CUZD1: variants seen among roughly 807,000 people sequenced by gnomAD.
CUZD1 encodes CUB and zona pellucida like domains 1, also known as CUB and zona pellucida-like domain-containing protein 1.
CUZD1 carries 42 observed loss-of-function variants against 53.1 expected under a neutral mutation model. The ratio of observed to expected loss-of-function variants is 0.79; its 90% confidence interval spans 0.62 to 1.02. CUZD1 has a LOEUF of 1.02. Among genes scored for constraint, CUZD1 ranks in the 50% least tolerant of loss-of-function variants. The probability of loss-of-function intolerance (pLI) is 0.00; values close to 1 mark genes in which losing one functional copy is unlikely to be tolerated. For missense variants in CUZD1, 670 were observed against 715.7 expected (o/e 0.94, Z 0.73); for synonymous variants, 238 against 257.2 (o/e 0.93, Z 0.71).
intron 6 of CUZD1, 59 bp downstream of exon 6, chr10:122,836,119 G>T: frequency 6.8e-7 from 1 of 1,467,262 alleles, no homozygotes; most frequent in South Asian, 1.4e-5. Context: ...TACCCTGACT[G>T]CATTGCTCAA....
At position 122,839,037 on chromosome 10, in the gene CUZD1, T is replaced by TAGTAGAAGACA. The variant is rs1566234749; in HGVS notation, c.417_427dup (p.Tyr143LeufsTer54). The TAGTAGAAGACA allele has an allele frequency of 6.2e-7, 1 of 1,613,742 alleles. No individual in the cohort carries two copies. The highest frequency in any genetic ancestry group is 2.2e-5 in the East Asian group (1 of 44,884). On this transcript the variant is annotated frameshift_variant, in exon 3 of 9. Coordinates refer to ENST00000392790, the MANE Select transcript of CUZD1 (RefSeq NM_022034.6). LOFTEE classifies it high-confidence loss of function. ...CTTACAGATGTTAGGAGAGAAGAAG[T>TAGTAGAAGACA]AGTAGAAGACAAAGACAGTTCTTTG...
intron 7 of CUZD1, 61 bp downstream of exon 7, chr10:122,834,645 A>G (rs1317827917): frequency 1.4e-6 from 2 of 1,384,844 alleles, no homozygotes; most frequent in Non-Finnish European, 1.9e-6. Flanking sequence ...AAATTACTTT[A>G]TTGAAATTAT....
intron 1 of CUZD1, among the ~76,000 whole-genome samples, chr10:122,845,003 C>T (rs1454462091): frequency 6.6e-6 from 1 of 151,872 alleles, no homozygotes; most frequent in Non-Finnish European, 1.5e-5. Flanking sequence ...ACATAAGAAC[C>T]ATCATATTGT....
In CUZD1 at chr10:122,837,030, C is replaced by T. The variant is rs748311677; in HGVS notation, c.618G>A (p.Gln206=). 2 of 1,612,768 alleles carry T rather than the reference C, an allele frequency of 1.2e-6. No homozygotes were observed. The highest frequency in any genetic ancestry group is 1.7e-6 in the Non-Finnish European group (2 of 1,179,018). ...AGATGGCAAGAAAATCAAATTTGCACTGTTTGTCTATTTCTAGGCTAGAGA... is the reference window on the plus strand; with the variant it reads ...AGATGGCAAGAAAATCAAATTTGCATTGTTTGTCTATTTCTAGGCTAGAGA... ...FKEIFLEIDK[Q]CKFDFLAIYD... The change falls in exon 5 of 9, where the codon CAG becomes CAA. Residue 206 remains glutamine, a synonymous_variant. Coordinates refer to ENST00000392790, the MANE Select transcript of CUZD1 (RefSeq NM_022034.6).
intron 7 of CUZD1, 108 bp downstream of exon 7, chr10:122,834,598 G>A (rs1566230022): frequency 1.4e-6 from 1 of 734,278 alleles, no homozygotes. Flanking sequence ...GAAATTTCAT[G>A]TAGTGCTAGG....
At chr10:122,837,722 T>G in intron 3 of CUZD1, 168 bp from the exon 4 acceptor site, 14 of 572,522 alleles carry the variant, frequency 2.4e-5, no homozygotes, top group Non-Finnish European at 3.2e-5. Context: ...TTGAAATTTC[T>G]GTCCACTGGT....
chr10:122,834,953 T>C lies in CUZD1; in HGVS notation c.1135A>G (p.Thr379Ala). The change falls in exon 7 of 9, where the codon ACA becomes GCA. Residue 379 changes from threonine (T) to alanine (A), a missense_variant. Coordinates refer to ENST00000392790, the MANE Select transcript of CUZD1 (RefSeq NM_022034.6). ...TGACTTTGTATTACATCATCTTCTG[T>C]TATGTATATTATCTCCACTGTAGAA... is the stretch of plus-strand genomic sequence containing the variant. ...HNSTVEIIYI[T>A]EDDVIQSQNA... is the part of the protein sequence containing the mutation. 6 of 1,613,854 alleles carry C rather than the reference T, an allele frequency of 3.7e-6. No homozygotes were observed. Among genetic ancestry groups the C allele is most frequent in the Non-Finnish European group, 5.1e-6 (6 of 1,179,800 alleles).
chr10:122,845,442 A>C (rs1847421336), intron 1 of CUZD1, among the ~76,000 whole-genome samples: 1 of 152,150 alleles, frequency 6.6e-6, no homozygotes, highest in South Asian at 2.1e-4. Flanking sequence ...AATAATGAAA[A>C]TTCATGTTGT....
In CUZD1 at chr10:122,836,938, T is replaced by C; in HGVS notation, c.710A>G (p.Glu237Gly). 1 of 1,614,108 alleles carries C rather than the reference T, an allele frequency of 6.2e-7. No homozygotes were observed. The highest frequency in any genetic ancestry group is 1.6e-4 in the Middle Eastern group (1 of 6,062). ...QVCGRVTPTF[E>G]SSSNSLTVVL... ...GACAGTCAGAGAGTTTGATGACGAT[T>C]CGAAGGTGGGAGTCACACGGCCACA... Residue 237 changes from glutamate to glycine, a missense_variant, in exon 5 of 9, where the codon GAA becomes GGA. Coordinates refer to ENST00000392790, the MANE Select transcript of CUZD1 (RefSeq NM_022034.6).
chr10:122,834,586 A>G, intron 7 of CUZD1, 120 bp downstream of exon 7: 1 of 634,254 alleles, frequency 1.6e-6, no homozygotes, highest in Non-Finnish European at 2.5e-6. Flanking sequence ...AATAAATGTA[A>G]TGAAATTTCA....
At chr10:122,841,464 A>G (rs1034288453) in intron 1 of CUZD1, 136 bp from the exon 2 acceptor site, 2 of 783,982 alleles carry the variant, frequency 2.6e-6, no homozygotes, top group African/African-American at 3.5e-5. Flanking sequence ...GCTTTCTCCA[A>G]AGTAAGTCAA....
At chr10:122,835,161 G>C (rs1847229323) in intron 6 of CUZD1, 64 bp from the exon 7 acceptor site, 6 of 1,301,132 alleles carry the variant, frequency 4.6e-6, no homozygotes, top group Non-Finnish European at 6.3e-6. Context: ...GAGCATAGAT[G>C]TGGATAACAT....
rs747178608 is a variant in CUZD1 at position 122,833,889 on chromosome 10, C to T, written c.1434G>A (p.Gly478=). ...CKVYPLFGHY[G]RFQFNAFKFL... is the part of the protein sequence containing the mutation. ...ATTTAAAGGCATTAAACTGGAATCT[C>T]CCATAGTGTCCAAATAAGGGATACA... Residue 478 remains glycine (G), a synonymous_variant, in exon 8 of 9, where the codon GGG becomes GGA. Coordinates refer to ENST00000392790, the MANE Select transcript of CUZD1 (RefSeq NM_022034.6). 1.2e-6 allele frequency: 2 copies of T among 1,613,706 alleles called. No individual in the cohort carries two copies. The highest frequency in any genetic ancestry group is 1.1e-5 in the South Asian group (1 of 91,068).
Position 122,837,386 on chromosome 10 carries a change from T to A in CUZD1, c.599+18A>T, listed in dbSNP as rs866458273. ...GTTTACTGCATTTGTTCCAACAGAA[T>A]TGGGCAGCAGTACTTACAAAATCTC... On this transcript the variant is annotated intron_variant, in intron 4 of 8. Transcript: ENST00000392790. The A allele has an allele frequency of 2.5e-6, 4 of 1,613,726 alleles. No individual in the cohort carries two copies. The East Asian group carries it at 8.9e-5, about 36-fold the overall frequency.
rs1487428023 is a variant in CUZD1 at position 122,836,360 on chromosome 10, A to G, written c.818-10T>C. On this transcript the variant is annotated splice_polypyrimidine_tract_variant and intron_variant, in intron 5 of 8. Transcript: ENST00000392790. ...GAGCAAGTTAAAGATGCTGTCAGGAAAAAAAAAAAAAAAAGAATGGTCATG... is the reference window on the plus strand; with the variant it reads ...GAGCAAGTTAAAGATGCTGTCAGGAGAAAAAAAAAAAAAAGAATGGTCATG... 8.9e-5 allele frequency: 7 copies of G among 78,464 alleles called. No homozygotes were observed. In the East Asian group the frequency reaches 7.4e-3, roughly 83 times the overall value. 4.9% of individuals were successfully genotyped at this position (78,464 alleles called of 1,614,324 possible).
At chr10:122,837,649 A>G in intron 3 of CUZD1, 95 bp from the exon 4 acceptor site, 1 of 1,187,916 alleles carries the variant, frequency 8.4e-7, no homozygotes, top group East Asian at 2.6e-5. Flanking sequence ...ATCTCTCCTG[A>G]GTATGATTCC....
chr10:122,838,141 T>G (rs1403586243), intron 3 of CUZD1: 2 of 152,430 alleles, frequency 1.3e-5, no homozygotes, highest in African/African-American at 4.8e-5. Context: ...GGAGAAACAA[T>G]GCAGAGAGCT....
intron 1 of CUZD1, among the ~76,000 whole-genome samples, chr10:122,844,278 C>G (rs1847398267): frequency 6.6e-6 from 1 of 152,062 alleles, no homozygotes; most frequent in Admixed American, 6.5e-5. Flanking sequence ...TCAAGCAATG[C>G]TCCCATGTCA....
At chr10:122,843,619 T>A (rs1215024259) in intron 1 of CUZD1, among the ~76,000 whole-genome samples, 2 of 152,002 alleles carry the variant, frequency 1.3e-5, no homozygotes, top group Non-Finnish European at 2.9e-5. Context: ...CTACAATACA[T>A]ACGAACCTTG....
Sources: gnomAD v4.1 joint callset for allele counts (sites outside exome capture counted in the v4.1 genomes callset) on GRCh38, gnomAD v4.1.1 for gene constraint, MANE v1.5 for transcripts, NCBI Gene and HGNC (gene_info 2026-07-23, HGNC 2026-07-21) for gene names.